Variants in TBC1D22A observed in about 807,000 individuals in gnomAD.
TBC1D22A encodes TBC1 domain family member 22A.
TBC1D22A carries 38 observed loss-of-function variants against 60.2 expected under a neutral mutation model. That is an observed-to-expected ratio of 0.63 (90% CI 0.49 to 0.83). The LOEUF (loss-of-function observed/expected upper bound fraction) is 0.83. TBC1D22A is among the 40% of genes least tolerant of loss of function. The probability of loss-of-function intolerance (pLI) is 0.00; values close to 1 mark genes in which losing one functional copy is unlikely to be tolerated. For synonymous variants in TBC1D22A, 302 were observed against 281.7 expected, an observed-to-expected ratio of 1.07 and a Z score of -0.72; for missense variants, 628 against 701.0, an observed-to-expected ratio of 0.90 and a Z score of 1.18.
intron 4 of TBC1D22A, among the ~76,000 whole-genome samples, chr22:46,828,010 A>G (rs999342109): frequency 3.9e-5 from 6 of 152,152 alleles, no homozygotes; most frequent in African/African-American, 1.2e-4. Context: ...ATTTCCCCAC[A>G]AGGTGTCACT....
chr22:46,984,366 CAAAAAAAAAAAAAAAAAAAAAAAAAAA>C (rs136119), intron 9 of TBC1D22A, among the ~76,000 whole-genome samples: 7 of 27,764 alleles, frequency 2.5e-4, no homozygotes, highest in South Asian at 2.3e-3. Flanking sequence ...GACTCCATCT[CAAAAAAAAAAAAAAAAAAAAAAAAAAA>C]AAAAAAAAAA....
chr22:46,764,777 C>G (rs765245772), intron 1 of TBC1D22A, among the ~76,000 whole-genome samples: 5 of 152,198 alleles, frequency 3.3e-5, no homozygotes, highest in Non-Finnish European at 7.3e-5. Context: ...AGTACATTTA[C>G]AAGCCAAGGA....
chr22:47,006,467 A>T (rs2061594225), intron 10 of TBC1D22A, among the ~76,000 whole-genome samples: 1 of 152,304 alleles, frequency 6.6e-6, no homozygotes, highest in African/African-American at 2.4e-5. Flanking sequence ...ACCGCCCTGT[A>T]GTTGGCTGGA....
At chr22:46,999,763 C>T (rs1238693750) in intron 10 of TBC1D22A, among the ~76,000 whole-genome samples, 4 of 152,230 alleles carry the variant, frequency 2.6e-5, no homozygotes, top group Admixed American at 2.0e-4. Context: ...CGGTGGCTCA[C>T]GCCTGTAATC....
At chr22:46,870,959 A>G (rs984223765) in intron 4 of TBC1D22A, among the ~76,000 whole-genome samples, 7 of 152,222 alleles carry the variant, frequency 4.6e-5, no homozygotes, top group African/African-American at 1.7e-4. Context: ...AAAACATTCA[A>G]ACCATAACAA....
At chr22:46,908,670 C>T (rs1170653382) in intron 7 of TBC1D22A, among the ~76,000 whole-genome samples, 1 of 152,096 alleles carries the variant, frequency 6.6e-6, no homozygotes, top group South Asian at 2.1e-4. Flanking sequence ...GCGGAGCGTC[C>T]CGGAGTCTGG....
At chr22:47,095,734 A>G (rs1046649330) in intron 11 of TBC1D22A, among the ~76,000 whole-genome samples, 5 of 152,226 alleles carry the variant, frequency 3.3e-5, no homozygotes, top group African/African-American at 1.2e-4. Flanking sequence ...AACTCATGGC[A>G]GTTCTTAAGG....
intron 8 of TBC1D22A, among the ~76,000 whole-genome samples, chr22:46,949,623 A>G (rs1474832779): frequency 6.6e-6 from 1 of 152,232 alleles, no homozygotes; most frequent in Non-Finnish European, 1.5e-5. Context: ...GCAAATTTAT[A>G]TCATTTCATC....
chr22:46,917,997 G>T (rs542136978), intron 8 of TBC1D22A, among the ~76,000 whole-genome samples: 14 of 152,304 alleles, frequency 9.2e-5, no homozygotes, highest in African/African-American at 3.1e-4. Flanking sequence ...TCCAGACGCT[G>T]CCCCTGAAGA....
At chr22:47,068,608 G>A (rs1434566446) in intron 11 of TBC1D22A, among the ~76,000 whole-genome samples, 3 of 152,182 alleles carry the variant, frequency 2.0e-5, no homozygotes, top group African/African-American at 7.2e-5. Flanking sequence ...AAACCCTGGG[G>A]CCAGAAACTC....
intron 4 of TBC1D22A, among the ~76,000 whole-genome samples, chr22:46,876,303 G>T (rs917694957): frequency 2.0e-5 from 3 of 152,052 alleles, no homozygotes; most frequent in Non-Finnish European, 4.4e-5. Flanking sequence ...CTTCATATCC[G>T]CACAAAAAGA....
intron 11 of TBC1D22A, among the ~76,000 whole-genome samples, chr22:47,066,492 C>T (rs1206119771): frequency 6.6e-6 from 1 of 152,242 alleles, no homozygotes; most frequent in African/African-American, 2.4e-5. Context: ...AGACGCTCCT[C>T]TTGAGGGCAC....
chr22:46,827,923 G>A (rs1444997524), intron 4 of TBC1D22A, among the ~76,000 whole-genome samples: 2 of 152,224 alleles, frequency 1.3e-5, no homozygotes, highest in Non-Finnish European at 2.9e-5. Context: ...GCGGATATAT[G>A]GCATGGGTGC....
chr22:47,007,328 C>T (rs12158956), intron 10 of TBC1D22A, among the ~76,000 whole-genome samples: 43,933 of 152,074 alleles, frequency 0.29, 6,471 homozygotes, highest in African/African-American at 0.33. Context: ...TGCAGAGCGT[C>T]TCCAGCAGGG....
chr22:46,925,522 T>G (rs542328109), intron 8 of TBC1D22A, among the ~76,000 whole-genome samples: 8 of 152,386 alleles, frequency 5.2e-5, no homozygotes, highest in Admixed American at 2.6e-4. Flanking sequence ...TTTAAAAGAT[T>G]GGAAAGTTTA....
intron 11 of TBC1D22A, among the ~76,000 whole-genome samples, chr22:47,062,980 C>T (rs1306688025): frequency 2.0e-5 from 3 of 152,068 alleles, no homozygotes; most frequent in Admixed American, 6.6e-5. Flanking sequence ...CAGCAGCGAG[C>T]GCAGGAACAT....
At chr22:46,783,347 C>G (rs543433566) in intron 1 of TBC1D22A, among the ~76,000 whole-genome samples, 3 of 152,192 alleles carry the variant, frequency 2.0e-5, no homozygotes, top group Admixed American at 6.5e-5. Context: ...GTGCCCGTGT[C>G]CAGGCCACGC....
chr22:47,073,314 A>G (rs548415759), intron 11 of TBC1D22A, among the ~76,000 whole-genome samples: 1 of 152,194 alleles, frequency 6.6e-6, no homozygotes, highest in African/African-American at 2.4e-5. Flanking sequence ...CACAGAGTCT[A>G]TTTTGTGCCG....
intron 12 of TBC1D22A, among the ~76,000 whole-genome samples, chr22:47,158,361 C>T (rs746395573): frequency 6.6e-6 from 1 of 152,178 alleles, no homozygotes; most frequent in South Asian, 2.1e-4. Flanking sequence ...CACTGTCATT[C>T]GTCTTGGATG....
Sources: allele counts gnomAD v4.1 joint callset (sites outside exome capture counted in the v4.1 genomes callset), GRCh38; gene constraint gnomAD v4.1.1; transcripts MANE v1.5; gene names NCBI Gene and HGNC (gene_info 2026-07-23, HGNC 2026-07-21).